MTMR2: variants seen among roughly 807,000 people sequenced by gnomAD.
The protein encoded by MTMR2 is phosphatidylinositol-3,5-bisphosphate 3-phosphatase MTMR2.
Under a neutral mutation model 86.9 loss-of-function variants are expected in MTMR2, and 55 were observed. That is an observed-to-expected ratio of 0.63 (90% CI 0.51 to 0.79). MTMR2 has a LOEUF of 0.79. Ranked by LOEUF, MTMR2 falls within the 30% of genes least tolerant of loss-of-function variation. The probability of loss-of-function intolerance (pLI) is 0.00; values close to 1 mark genes in which losing one functional copy is unlikely to be tolerated. For missense variants in MTMR2, 659 were observed against 772.3 expected (o/e 0.85, Z 1.74); for synonymous variants, 241 against 266.8 (o/e 0.90, Z 0.94).
In MTMR2 at chr11:95,870,445, G is replaced by A. The variant is rs925566629; in HGVS notation, c.187-4769C>T. Among the ~76,000 whole-genome samples the A allele has an allele frequency of 3.3e-5, 5 of 152,172 alleles. No homozygotes were observed. The South Asian group carries it at 1.0e-3, about 32-fold the overall frequency. Reference sequence around the variant, plus strand: ...AGAAGATGAAATGATGATAATCTACGAAAGAAATAGAATCCTGGATTAGTC... The same window carrying A: ...AGAAGATGAAATGATGATAATCTACAAAAGAAATAGAATCCTGGATTAGTC... On this transcript the variant is annotated intron_variant, in intron 2 of 14. Coordinates refer to ENST00000346299, the MANE Select transcript of MTMR2 (RefSeq NM_016156.6).
intron 1 of MTMR2, 50 bp downstream of exon 1, chr11:95,923,825 C>A: frequency 1.3e-6 from 2 of 1,534,406 alleles, no homozygotes; most frequent in East Asian, 4.9e-5. Context: ...GTCCCCGGCC[C>A]CTCTCCATCC....
In MTMR2 at chr11:95,849,823, T is replaced by A. The variant is rs1863945728; in HGVS notation, c.844A>T (p.Thr282Ser). The A allele has an allele frequency of 6.2e-7, 1 of 1,614,108 alleles. No individual in the cohort carries two copies. Reference protein sequence around the residue: ...WIHPESQATITRCSQPMVGVS... With the variant: ...WIHPESQATISRCSQPMVGVS... ...CCAACCATGGGCTGGCTACACCGAGTGATTGTGGCTTGACTTTCAGGATGA... is the reference window on the plus strand; with the variant it reads ...CCAACCATGGGCTGGCTACACCGAGAGATTGTGGCTTGACTTTCAGGATGA... The change falls in exon 9 of 15, where the codon ACT (threonine) becomes TCT (serine). Residue 282 changes from threonine to serine, a missense_variant. Transcript: ENST00000346299.
rs543781616 is a variant in MTMR2, at chr11:95,910,641, A to G, written c.80+13234T>C. Among the ~76,000 whole-genome samples, 44 of 152,142 alleles carry G rather than the reference A, an allele frequency of 2.9e-4. No individual in the cohort carries two copies. In the South Asian group the frequency reaches 7.1e-3, roughly 24 times the overall value. On this transcript the variant is annotated intron_variant, in intron 1 of 14. Coordinates refer to ENST00000346299, the MANE Select transcript of MTMR2 (RefSeq NM_016156.6). ...CTGTTTCACTCTTGCTGCCAATTCA[A>G]TTTTTCTTCAATATTCCGTAAAAAG...
intron 7 of MTMR2, among the ~76,000 whole-genome samples, chr11:95,851,030 G>A (rs1247154550): frequency 1.5e-5 from 2 of 134,374 alleles, no homozygotes; most frequent in African/African-American, 5.0e-5. Context: ...GGAGGTGGAA[G>A]GAAACAGTAA....
At chr11:95,836,379 T>C (rs1359904225) in intron 13 of MTMR2, 55 bp from the exon 14 acceptor site, 1 of 1,496,192 alleles carries the variant, frequency 6.7e-7, no homozygotes, top group Non-Finnish European at 9.3e-7. Context: ...ATTTACACTT[T>C]AGATGAAATT....
At chr11:95,836,383 TGAAATTTGTGAA>T (rs1371072130) in intron 13 of MTMR2, 59 bp from the exon 14 acceptor site, 5 of 1,464,692 alleles carry the variant, frequency 3.4e-6, no homozygotes, top group Non-Finnish European at 1.9e-6. Context: ...ACACTTTAGA[TGAAATTTGTGAA>T]GAAGTACTTT....
In MTMR2 at chr11:95,836,233, T is replaced by A; in HGVS notation, c.1685A>T (p.His562Leu). The change falls in exon 14 of 15, where the codon CAT becomes CTT. Residue 562 changes from histidine to leucine, a missense_variant. Coordinates refer to ENST00000346299, the MANE Select transcript of MTMR2 (RefSeq NM_016156.6). ...CATGCTGGCTACTGGATAAAGGACA[T>A]GATTGGAATAGCTCCCATAGAGAGG... Reference protein sequence around the residue: ...TNPLYGSYSNHVLYPVASMRH... With the variant: ...TNPLYGSYSNLVLYPVASMRH... 1 of 1,612,964 alleles carries A rather than the reference T, an allele frequency of 6.2e-7. No homozygotes were observed. The highest frequency in any genetic ancestry group is 8.5e-7 in the Non-Finnish European group (1 of 1,179,196).
chr11:95,861,943 A>G (rs1864434544), intron 5 of MTMR2, 49 bp downstream of exon 5: 2 of 1,337,460 alleles, frequency 1.5e-6, no homozygotes, highest in South Asian at 2.4e-5. Flanking sequence ...TCTATTTAAT[A>G]CAAAGCTTTT....
intron 2 of MTMR2, among the ~76,000 whole-genome samples, chr11:95,869,944 A>C (rs1352974296): frequency 2.0e-5 from 3 of 152,158 alleles, no homozygotes; most frequent in Non-Finnish European, 4.4e-5. Flanking sequence ...CTGGGGTGAC[A>C]AGTTCTATAT....
chr11:95,918,840 T>C (rs188617665), intron 1 of MTMR2, among the ~76,000 whole-genome samples: 3 of 152,140 alleles, frequency 2.0e-5, no homozygotes, highest in African/African-American at 4.8e-5. Flanking sequence ...TACCAACATA[T>C]CACTTTTTTT....
At chr11:95,865,886 T>A (rs1003372935) in intron 2 of MTMR2, among the ~76,000 whole-genome samples, 1 of 150,536 alleles carries the variant, frequency 6.6e-6, no homozygotes, top group Non-Finnish European at 1.5e-5. Context: ...TTAAATCATA[T>A]CAAAGCACTC....
At chr11:95,871,686 C>A (rs1591007536) in intron 2 of MTMR2, among the ~76,000 whole-genome samples, 1 of 152,200 alleles carries the variant, frequency 6.6e-6, no homozygotes, top group Admixed American at 6.5e-5. Context: ...CTGCAGGTTG[C>A]CTGTTCACTC....
intron 1 of MTMR2, among the ~76,000 whole-genome samples, chr11:95,898,028 G>A (rs936528725): frequency 1.3e-5 from 2 of 152,026 alleles, no homozygotes; most frequent in African/African-American, 4.8e-5. Flanking sequence ...AGTAATCTTG[G>A]TACTTGCATT....
chr11:95,837,772 G>A (rs1332813731), intron 13 of MTMR2, among the ~76,000 whole-genome samples: 1 of 151,984 alleles, frequency 6.6e-6, no homozygotes, highest in African/African-American at 2.4e-5. Flanking sequence ...TTCTGCACCT[G>A]CTGTAAAGGA....
intron 1 of MTMR2, among the ~76,000 whole-genome samples, chr11:95,908,177 A>G (rs1010096031): frequency 1.3e-5 from 2 of 152,182 alleles, no homozygotes; most frequent in African/African-American, 4.8e-5. Context: ...TATGAAAGTC[A>G]GTAGTATTTC....
chr11:95,858,750 T>C, intron 5 of MTMR2, 118 bp from the exon 6 acceptor site: 1 of 715,090 alleles, frequency 1.4e-6, no homozygotes. Context: ...GATACAAAAA[T>C]AAATCAGACA....
At chr11:95,852,547 A>C (rs979149876) in intron 7 of MTMR2, among the ~76,000 whole-genome samples, 4 of 152,100 alleles carry the variant, frequency 2.6e-5, no homozygotes, top group African/African-American at 7.2e-5. Flanking sequence ...TGTTTACTCC[A>C]TATAATTAGC....
intron 5 of MTMR2, among the ~76,000 whole-genome samples, chr11:95,860,411 G>A (rs484546): frequency 6.6e-6 from 1 of 152,040 alleles, no homozygotes; most frequent in African/African-American, 2.4e-5. Context: ...TGAGGTAGGA[G>A]AATCACTTGA....
intron 2 of MTMR2, among the ~76,000 whole-genome samples, chr11:95,880,879 G>T (rs1424612130): frequency 1.3e-5 from 2 of 151,948 alleles, no homozygotes; most frequent in Non-Finnish European, 2.9e-5. Context: ...CCCAAAATGT[G>T]ACCTGTCTTT....
Sources: allele counts gnomAD v4.1 joint callset (sites outside exome capture counted in the v4.1 genomes callset), GRCh38; gene constraint gnomAD v4.1.1; transcripts MANE v1.5; gene names NCBI Gene and HGNC (gene_info 2026-07-23, HGNC 2026-07-21).